The following APLP2 variants were observed in gnomAD, a reference collection of about 807,000 sequenced individuals.
The protein encoded by APLP2 is CDEI box-binding protein.
In APLP2, 53 loss-of-function variants were observed where a neutral mutation model predicts 89.9. The observed-to-expected ratio is 0.59, with a 90% CI of 0.47 to 0.74. APLP2 has a LOEUF of 0.74. APLP2 is among the 30% of genes least tolerant of loss of function. APLP2 has a pLI of 0.00. For synonymous variants in APLP2, 372 were observed against 348.6 expected, an observed-to-expected ratio of 1.07 and a Z score of -0.75; for missense variants, 973 against 975.9, an observed-to-expected ratio of 1.00 and a Z score of 0.04.
At chr11:130,121,891 C>T in intron 5 of APLP2, 81 bp downstream of exon 5, 1 of 1,547,712 alleles carries the variant, frequency 6.5e-7, no homozygotes, top group Non-Finnish European at 8.7e-7. Flanking sequence ...GCTGCTAGTC[C>T]CTCACTTCTG....
intron 1 of APLP2, among the ~76,000 whole-genome samples, chr11:130,092,722 A>AGG (rs796802846): frequency 0.055 from 5,378 of 98,168 alleles, 158 homozygotes; most frequent in African/African-American, 0.076. Context: ...GGGGAGGGGG[A>AGG]GGGAGAGGGA....
chr11:130,102,362 C>T (rs1046562383), intron 1 of APLP2, among the ~76,000 whole-genome samples: 1 of 152,174 alleles, frequency 6.6e-6, no homozygotes, highest in Non-Finnish European at 1.5e-5. Context: ...TGCTTCATTC[C>T]GCGTTTATTA....
intron 1 of APLP2, among the ~76,000 whole-genome samples, chr11:130,093,742 T>A (rs1327503836): frequency 1.3e-5 from 2 of 152,102 alleles, no homozygotes; most frequent in Non-Finnish European, 2.9e-5. Context: ...AACTTTTATT[T>A]TTTATTTATT....
At chr11:130,106,898 A>G (rs1947855245) in intron 1 of APLP2, among the ~76,000 whole-genome samples, 1 of 150,772 alleles carries the variant, frequency 6.6e-6, no homozygotes, top group Non-Finnish European at 1.5e-5. Context: ...CATGTTGGAC[A>G]GGCTGGTCTC....
chr11:130,070,448 C>T, intron 1 of APLP2: 1 of 907,910 alleles, frequency 1.1e-6, no homozygotes, highest in Non-Finnish European at 1.4e-6. Flanking sequence ...CGCTCCTCTC[C>T]CGCCGGAGTC....
intron 1 of APLP2, among the ~76,000 whole-genome samples, chr11:130,104,471 G>C (rs1947382901): frequency 6.6e-6 from 1 of 152,044 alleles, no homozygotes; most frequent in Non-Finnish European, 1.5e-5. Flanking sequence ...ACCTGCCTCA[G>C]CCTCCCAAAG....
chr11:130,127,745 C>A (rs745519697), intron 8 of APLP2, 21 bp from the exon 9 acceptor site: 3 of 1,610,584 alleles, frequency 1.9e-6, no homozygotes, highest in Non-Finnish European at 2.5e-6. Context: ...CTGCTGACGG[C>A]GTTTTTGACC....
At chr11:130,074,198 TTTGTTG>T (rs902270785) in intron 1 of APLP2, among the ~76,000 whole-genome samples, 4 of 152,216 alleles carry the variant, frequency 2.6e-5, no homozygotes, top group Non-Finnish European at 4.4e-5. Context: ...GAAAACATGT[TTTGTTG>T]TTGTTGTTGT....
intron 1 of APLP2, among the ~76,000 whole-genome samples, chr11:130,072,854 C>T (rs1417697860): frequency 2.0e-5 from 3 of 152,146 alleles, no homozygotes; most frequent in Non-Finnish European, 2.9e-5. Flanking sequence ...TTAGTTCCTC[C>T]TTTTGTAGAG....
At position 130,123,103 on chromosome 11, in the gene APLP2, G is replaced by A. The variant is rs1565589707; in HGVS notation, c.923-509G>A. On this transcript the variant is annotated intron_variant, in intron 6 of 16. Transcript: ENST00000338167. The surrounding 1 kb of genome is among the most constrained non-coding windows in gnomAD (Gnocchi z 4.0). ...GTATATTTGAAACCAATTAAGATGC[G>A]AAGAATTATTTAGGACCCAAGTTGG... Among the ~76,000 whole-genome samples the A allele has an allele frequency of 6.6e-6, 1 of 152,098 alleles. No homozygotes were observed. Among genetic ancestry groups the A allele is most frequent in the African/African-American group, 2.4e-5 (1 of 41,410 alleles).
intron 1 of APLP2, among the ~76,000 whole-genome samples, chr11:130,103,679 G>A (rs1489935488): frequency 1.3e-5 from 2 of 152,134 alleles, no homozygotes; most frequent in African/African-American, 2.4e-5. Context: ...GGCTTTTTAC[G>A]ATGAAATTGA....
At chr11:130,073,785 T>TCA (rs1941595121) in intron 1 of APLP2, among the ~76,000 whole-genome samples, 1 of 151,622 alleles carries the variant, frequency 6.6e-6, no homozygotes, top group Non-Finnish European at 1.5e-5. Context: ...TGAGCCGAGA[T>TCA]CACACCACTG....
chr11:130,096,457 C>A (rs1348359676), intron 1 of APLP2, among the ~76,000 whole-genome samples: 13 of 152,256 alleles, frequency 8.5e-5, no homozygotes, highest in Admixed American at 8.5e-4. Context: ...GTGGCTCATG[C>A]CTGTAATCCC....
In APLP2 at chr11:130,138,804, G is replaced by T. The variant is rs1350944720; in HGVS notation, c.1838-1594G>T. The T allele has an allele frequency of 4.3e-5, 6 of 140,442 alleles. No homozygotes were observed. In the East Asian group the frequency reaches 1.0e-3, roughly 24 times the overall value. 8.7% of individuals were successfully genotyped at this position (140,442 alleles called of 1,614,324 possible). A position where few individuals can be genotyped will look rare whatever the true frequency, so the allele number is the denominator to read the frequency against. Reference sequence around the variant, plus strand: ...CGTAGAGACAGGGTTTTGCCATGTTGCCCAGGCTGGTCTCGAACTCCTGGA... The same window carrying T: ...CGTAGAGACAGGGTTTTGCCATGTTTCCCAGGCTGGTCTCGAACTCCTGGA... On this transcript the variant is annotated intron_variant, in intron 13 of 16. Transcript: ENST00000338167.
chr11:130,086,186 A>G (rs1565555516), intron 1 of APLP2, among the ~76,000 whole-genome samples: 1 of 152,262 alleles, frequency 6.6e-6, no homozygotes, highest in Non-Finnish European at 1.5e-5. Context: ...CAATTTCTCC[A>G]CATCCTTGCC....
In APLP2 at chr11:130,117,841, G is replaced by T. The variant is rs182407244; in HGVS notation, c.404-2865G>T. Among the ~76,000 whole-genome samples the T allele has an allele frequency of 2.5e-3, 379 of 152,268 alleles. 2 individuals are homozygous for T. The highest frequency in any genetic ancestry group is 8.7e-3 in the African/African-American group (360 of 41,550). Reference sequence around the variant, plus strand: ...TAATCCCAACACTTGGGGAGGCCGAGGCCGGGGTGGATCACAAGGTCAGTA... The same window carrying T: ...TAATCCCAACACTTGGGGAGGCCGATGCCGGGGTGGATCACAAGGTCAGTA... On this transcript the variant is annotated intron_variant, in intron 3 of 16. Transcript: ENST00000338167.
intron 14 of APLP2, 109 bp downstream of exon 14, chr11:130,140,592 C>T (rs745496233): frequency 5.7e-6 from 5 of 869,640 alleles, no homozygotes; most frequent in Admixed American, 3.0e-5. Flanking sequence ...TCGTTTTCCG[C>T]ACAGTAGAAG....
At chr11:130,092,006 G>A (rs1417101506) in intron 1 of APLP2, among the ~76,000 whole-genome samples, 4 of 135,666 alleles carry the variant, frequency 2.9e-5, no homozygotes, top group African/African-American at 6.1e-5. Flanking sequence ...CTTCTCAGAC[G>A]GGGCGGCCGG....
At chr11:130,096,784 G>A (rs945251676) in intron 1 of APLP2, among the ~76,000 whole-genome samples, 4 of 152,130 alleles carry the variant, frequency 2.6e-5, no homozygotes, top group African/African-American at 2.4e-5. Context: ...TTACACACAC[G>A]TTTATATTCC....
Sources: allele counts gnomAD v4.1 joint callset (sites outside exome capture counted in the v4.1 genomes callset), GRCh38; gene constraint gnomAD v4.1.1; non-coding constraint Gnocchi (gnomAD v3.1); transcripts MANE v1.5; gene names NCBI Gene and HGNC (gene_info 2026-07-23, HGNC 2026-07-21).